Variants in CNTN5 observed in about 807,000 individuals in gnomAD.
The protein encoded by CNTN5 is contactin 5.
A neutral mutation model predicts 129.1 loss-of-function variants in CNTN5; 77 were observed. The observed-to-expected ratio is 0.60, with a 90% CI of 0.50 to 0.72. The LOEUF (loss-of-function observed/expected upper bound fraction) is 0.72. Among genes scored for constraint, CNTN5 ranks in the 30% least tolerant of loss-of-function variants. The pLI, the probability that CNTN5 is intolerant of heterozygous loss-of-function variation, is 0.00. For missense variants in CNTN5, 1,478 were observed against 1,328.8 expected (o/e 1.11, Z -1.75); for synonymous variants, 509 against 465.6 (o/e 1.09, Z -1.20).
intron 2 of CNTN5, among the ~76,000 whole-genome samples, chr11:99,366,908 G>A (rs139995617): frequency 5.9e-5 from 9 of 152,224 alleles, no homozygotes; most frequent in Admixed American, 4.6e-4. Context: ...TAGCAGATTC[G>A]GTGCCTTTGC....
At chr11:99,902,902 G>A (rs1210254343) in intron 6 of CNTN5, among the ~76,000 whole-genome samples, 1 of 152,058 alleles carries the variant, frequency 6.6e-6, no homozygotes, top group Non-Finnish European at 1.5e-5. Flanking sequence ...TTGCTTTAAG[G>A]CAAGGCATGA....
chr11:99,630,975 C>T (rs571240974), intron 3 of CNTN5, among the ~76,000 whole-genome samples: 52 of 152,184 alleles, frequency 3.4e-4, no homozygotes, highest in African/African-American at 1.2e-3. Context: ...AATCTAAAGG[C>T]GTTTATTTTT....
At chr11:99,532,028 G>T (rs769810720) in intron 2 of CNTN5, among the ~76,000 whole-genome samples, 7 of 151,998 alleles carry the variant, frequency 4.6e-5, no homozygotes, top group Non-Finnish European at 8.8e-5. Context: ...ACCCTAGAAT[G>T]GCAGATCCAC....
intron 6 of CNTN5, among the ~76,000 whole-genome samples, chr11:99,867,127 A>G (rs1302301686): frequency 6.6e-6 from 1 of 152,208 alleles, no homozygotes; most frequent in Non-Finnish European, 1.5e-5. Flanking sequence ...TGTCCTTTCA[A>G]CTAATGCTCT....
chr11:99,529,910 GC>G lies in CNTN5; in HGVS notation c.-70-26234del, dbSNP rs548899642. Among the ~76,000 whole-genome samples, 347 of 151,974 alleles carry G rather than the reference GC, an allele frequency of 2.3e-3. 4 individuals carry two copies. Among genetic ancestry groups the G allele is most frequent in the African/African-American group, 8.1e-3 (336 of 41,496 alleles). On this transcript the variant is annotated intron_variant, in intron 2 of 24. Transcript: ENST00000524871. The stretch of plus-strand genomic sequence containing the variant: ...AAAATGTTAAACAAATAAACAGTAA[GC>G]AAAAATATTAAATATTTGCATAATT...
At chr11:99,650,845 T>C (rs566785065) in intron 3 of CNTN5, among the ~76,000 whole-genome samples, 1 of 152,082 alleles carries the variant, frequency 6.6e-6, no homozygotes, top group East Asian at 1.9e-4. Context: ...CTAAATGCCC[T>C]AATTATTATA....
intron 3 of CNTN5, among the ~76,000 whole-genome samples, chr11:99,780,884 C>A (rs984902699): frequency 6.6e-6 from 1 of 151,886 alleles, no homozygotes; most frequent in African/African-American, 2.4e-5. Flanking sequence ...GAGAGAGAAT[C>A]CTTGGTAAAT....
At chr11:99,266,854 A>G (rs532289924) in intron 1 of CNTN5, among the ~76,000 whole-genome samples, 1 of 152,164 alleles carries the variant, frequency 6.6e-6, no homozygotes, top group African/African-American at 2.4e-5. Context: ...CAGCAGAGAC[A>G]GATAAGTATG....
intron 1 of CNTN5, among the ~76,000 whole-genome samples, chr11:99,185,178 T>G (rs757450277): frequency 2.0e-5 from 3 of 151,802 alleles, no homozygotes; most frequent in Non-Finnish European, 4.4e-5. Flanking sequence ...GACTTTCTTT[T>G]TCAGGTAATA....
Position 99,664,562 on chromosome 11 carries a change from G to A in CNTN5, c.55+108293G>A, listed in dbSNP as rs570449389. On this transcript the variant is annotated intron_variant, in intron 3 of 24. Coordinates refer to ENST00000524871, the MANE Select transcript of CNTN5 (RefSeq NM_014361.4). ...AATGGCATTTTTCGCTATAGCCATC[G>A]TTTTGCTATAACATTTTATTACATT... Among the ~76,000 whole-genome samples the A allele has an allele frequency of 5.3e-5, 8 of 152,186 alleles. No individual in the cohort carries two copies. In the South Asian group the frequency reaches 1.2e-3, roughly 24 times the overall value.
chr11:99,763,897 T>A (rs554201920), intron 3 of CNTN5, among the ~76,000 whole-genome samples: 1 of 152,158 alleles, frequency 6.6e-6, no homozygotes, highest in East Asian at 1.9e-4. Flanking sequence ...GAATGTTAGT[T>A]CAGTAAGATA....
chr11:99,986,058 C>T (rs1426516584), intron 8 of CNTN5, among the ~76,000 whole-genome samples: 1 of 152,164 alleles, frequency 6.6e-6, no homozygotes, highest in Non-Finnish European at 1.5e-5. Flanking sequence ...ATGTTTACTA[C>T]TTCCACTTAA....
chr11:100,290,302 A>C (rs1304078135), intron 18 of CNTN5, among the ~76,000 whole-genome samples: 1 of 152,224 alleles, frequency 6.6e-6, no homozygotes, highest in African/African-American at 2.4e-5. Flanking sequence ...TTGCTAAGTC[A>C]ATCCTAAGCC....
chr11:100,014,053 T>A (rs770578), intron 9 of CNTN5, among the ~76,000 whole-genome samples: 49,193 of 151,888 alleles, frequency 0.32, 8,173 homozygotes, highest in East Asian at 0.48. Context: ...TTCAAGAAGG[T>A]TTTCATATGC....
chr11:99,213,199 T>A (rs1410473329), intron 1 of CNTN5, among the ~76,000 whole-genome samples: 2 of 144,172 alleles, frequency 1.4e-5, no homozygotes, highest in African/African-American at 5.1e-5. Flanking sequence ...TCAAAAAAAA[T>A]TATATATATA....
chr11:99,774,725 A>G (rs1279644062), intron 3 of CNTN5, among the ~76,000 whole-genome samples: 1 of 152,020 alleles, frequency 6.6e-6, no homozygotes, highest in Admixed American at 6.6e-5. Flanking sequence ...ATGTTTTGAA[A>G]CAGCTTCTTC....
chr11:99,567,559 C>A (rs994837149), intron 3 of CNTN5, among the ~76,000 whole-genome samples: 1 of 151,762 alleles, frequency 6.6e-6, no homozygotes, highest in African/African-American at 2.4e-5. Context: ...TTTGTCACTG[C>A]CAGTTAGTGC....
At chr11:99,540,986 T>G in intron 2 of CNTN5, among the ~76,000 whole-genome samples, 1 of 152,070 alleles carries the variant, frequency 6.6e-6, no homozygotes, top group East Asian at 2.0e-4. Flanking sequence ...TCAGTTTTGC[T>G]TTTATGCAAA....
chr11:100,261,913 A>G (rs1950206148), intron 17 of CNTN5, among the ~76,000 whole-genome samples: 1 of 152,222 alleles, frequency 6.6e-6, no homozygotes, highest in African/African-American at 2.4e-5. Context: ...CTAAAACACC[A>G]AAAGCAATGG....
Sources: allele counts gnomAD v4.1 joint callset (sites outside exome capture counted in the v4.1 genomes callset), GRCh38; gene constraint gnomAD v4.1.1; transcripts MANE v1.5; gene names NCBI Gene and HGNC (gene_info 2026-07-23, HGNC 2026-07-21).